Variants in RTN3 observed in about 807,000 individuals in gnomAD.
RTN3 encodes reticulon 3, also known as reticulon-3.
Under a neutral mutation model 77.8 loss-of-function variants are expected in RTN3, and 49 were observed. That is an observed-to-expected ratio of 0.63 (90% CI 0.50 to 0.80). The LOEUF (loss-of-function observed/expected upper bound fraction) is 0.80. Among genes scored for constraint, RTN3 ranks in the 30% least tolerant of loss-of-function variants. The probability of loss-of-function intolerance (pLI) is 0.00; values close to 1 mark genes in which losing one functional copy is unlikely to be tolerated. For synonymous variants in RTN3, 464 were observed against 446.9 expected (o/e 1.04, Z -0.48); for missense variants, 1,236 against 1,211.9 (o/e 1.02, Z -0.29).
At chr11:63,696,142 C>G (rs900784988) in intron 1 of RTN3, among the ~76,000 whole-genome samples, 2 of 149,888 alleles carry the variant, frequency 1.3e-5, no homozygotes, top group African/African-American at 4.9e-5. Flanking sequence ...GAGGCCGGGC[C>G]TGGTGGCTCA....
At chr11:63,734,372 A>G (rs2012920068) in intron 3 of RTN3, among the ~76,000 whole-genome samples, 1 of 151,144 alleles carries the variant, frequency 6.6e-6, no homozygotes, top group African/African-American at 2.4e-5. Context: ...CCTTGAACTC[A>G]ACAGGCAAAG....
At chr11:63,741,897 C>T (rs551716889) in intron 3 of RTN3, among the ~76,000 whole-genome samples, 1 of 152,102 alleles carries the variant, frequency 6.6e-6, no homozygotes, top group South Asian at 2.1e-4. Flanking sequence ...AGTACTATAG[C>T]ATCTTGATAA....
chr11:63,715,346 A>G (rs2011329280), intron 2 of RTN3, among the ~76,000 whole-genome samples: 1 of 152,102 alleles, frequency 6.6e-6, no homozygotes, highest in Admixed American at 6.6e-5. Flanking sequence ...AATCATCTGA[A>G]ATCTCCATCT....
At chr11:63,757,018 C>G (rs2014410964) in intron 8 of RTN3, among the ~76,000 whole-genome samples, 1 of 152,188 alleles carries the variant, frequency 6.6e-6, no homozygotes, top group Non-Finnish European at 1.5e-5. Flanking sequence ...GCACTCCAGC[C>G]TGGGTGACAG....
intron 1 of RTN3, among the ~76,000 whole-genome samples, chr11:63,703,668 G>A (rs905091721): frequency 7.4e-5 from 11 of 149,456 alleles, no homozygotes; most frequent in African/African-American, 2.2e-4. Flanking sequence ...TCAGCCTCCC[G>A]AGTAGCTGGG....
intron 3 of RTN3, among the ~76,000 whole-genome samples, chr11:63,738,669 T>A (rs966240155): frequency 6.6e-6 from 1 of 151,356 alleles, no homozygotes; most frequent in Non-Finnish European, 1.5e-5. Context: ...GCTGACAGAC[T>A]ACTAAACCTT....
chr11:63,690,681 G>A (rs58198493), intron 1 of RTN3, among the ~76,000 whole-genome samples: 5,365 of 152,252 alleles, frequency 0.035, 318 homozygotes, highest in African/African-American at 0.12. Flanking sequence ...CTTAAGCCAG[G>A]TGCCTTTTTA....
At chr11:63,738,649 A>G (rs1364806278) in intron 3 of RTN3, among the ~76,000 whole-genome samples, 1 of 151,028 alleles carries the variant, frequency 6.6e-6, no homozygotes, top group Non-Finnish European at 1.5e-5. Flanking sequence ...AAAAAAAAAA[A>G]GAAGGTAAAG....
At position 63,719,024 on chromosome 11, in the gene RTN3, T is replaced by C. The variant is rs752445489; in HGVS notation, c.522T>C (p.Gly174=). The change falls in exon 3 of 9, where the codon GGT becomes GGC. Residue 174 remains glycine (G), a synonymous_variant. Transcript: ENST00000377819. The part of the protein sequence containing the change: ...EHPAFLSKKI[G]QVEEQIDKET... The stretch of plus-strand genomic sequence containing the variant: ...CTGCTTTTCTCTCAAAGAAAATTGG[T>C]CAAGTGGAAGAGCAAATAGATAAAG... 6.2e-7 allele frequency: 1 copy of C among 1,614,060 alleles called. No homozygotes were observed. The highest frequency in any genetic ancestry group is 8.5e-7 in the Non-Finnish European group (1 of 1,180,020).
chr11:63,719,330 T>A lies in RTN3; in HGVS notation c.828T>A (p.Ser276=). 1 of 1,614,220 alleles carries A rather than the reference T, an allele frequency of 6.2e-7. No individual in the cohort carries two copies. Among genetic ancestry groups the A allele is most frequent in the South Asian group, 1.1e-5 (1 of 91,080 alleles). ...GCACAGATGATTTTGGTAGCTGGTCTGTGCACACTGATAAAGAATCATCCG... is the reference window on the plus strand; with the variant it reads ...GCACAGATGATTTTGGTAGCTGGTCAGTGCACACTGATAAAGAATCATCCG... ...KESTDDFGSW[S]VHTDKESSED... is the part of the protein sequence containing the mutation. The change falls in exon 3 of 9, where the codon TCT becomes TCA. Residue 276 remains serine (S), a synonymous_variant. Transcript: ENST00000377819.
intron 3 of RTN3, among the ~76,000 whole-genome samples, chr11:63,727,541 G>T (rs1479353384): frequency 6.6e-6 from 1 of 152,190 alleles, no homozygotes; most frequent in Non-Finnish European, 1.5e-5. Flanking sequence ...AATTCAGCAG[G>T]TGACCTTAAC....
intron 3 of RTN3, among the ~76,000 whole-genome samples, chr11:63,732,870 A>G (rs2012793788): frequency 6.6e-6 from 1 of 152,218 alleles, no homozygotes; most frequent in Non-Finnish European, 1.5e-5. Flanking sequence ...CATGGCAAAT[A>G]CAATTATAGA....
At chr11:63,715,322 A>T (rs1409054856) in intron 2 of RTN3, among the ~76,000 whole-genome samples, 1 of 152,178 alleles carries the variant, frequency 6.6e-6, no homozygotes, top group East Asian at 1.9e-4. Context: ...TTCATCTGTA[A>T]GATGACAGAT....
At chr11:63,740,753 G>A (rs762016889) in intron 3 of RTN3, among the ~76,000 whole-genome samples, 5 of 152,012 alleles carry the variant, frequency 3.3e-5, no homozygotes, top group Non-Finnish European at 5.9e-5. Context: ...TGGCAACAAA[G>A]AGGAAAGGAA....
In RTN3 at chr11:63,759,728, T is replaced by C. The variant is rs1268890969; in HGVS notation, c.*1527T>C. 6.6e-6 allele frequency: 1 copy of C among 152,540 alleles called. No individual in the cohort carries two copies. The highest frequency in any genetic ancestry group is 1.9e-4 in the East Asian group (1 of 5,198). The allele number at this position is 152,540 out of a possible 1,614,324, so 9.4% of individuals were successfully genotyped here. ...CTTTGTGCCACACAGGATTTTTTTT[T>C]TTTTTTAAGAAAAACCTATAGATGA... On this transcript the variant is annotated 3_prime_UTR_variant, in exon 9 of 9. Transcript: ENST00000377819.
chr11:63,740,885 A>G (rs1159026618), intron 3 of RTN3, among the ~76,000 whole-genome samples: 1 of 152,194 alleles, frequency 6.6e-6, no homozygotes, highest in Non-Finnish European at 1.5e-5. Context: ...TCTAATCAAT[A>G]GTATTCTGAG....
chr11:63,694,878 A>G (rs1334913088), intron 1 of RTN3, among the ~76,000 whole-genome samples: 1 of 152,222 alleles, frequency 6.6e-6, no homozygotes, highest in Non-Finnish European at 1.5e-5. Flanking sequence ...ACTCTAATAA[A>G]TGGTGCAAAG....
chr11:63,757,722 CTT>C (rs71039672), intron 8 of RTN3, among the ~76,000 whole-genome samples: 193 of 106,284 alleles, frequency 1.8e-3, no homozygotes, highest in African/African-American at 2.0e-3. Context: ...TTCTTTTTTT[CTT>C]TTTTTTTTTT....
chr11:63,747,412 A>G (rs2013862087), intron 3 of RTN3, among the ~76,000 whole-genome samples: 1 of 152,216 alleles, frequency 6.6e-6, no homozygotes, highest in Non-Finnish European at 1.5e-5. Flanking sequence ...TAGTTCATCA[A>G]GTGAGCCTGA....
Sources: gnomAD v4.1 joint callset for allele counts (sites outside exome capture counted in the v4.1 genomes callset) on GRCh38, gnomAD v4.1.1 for gene constraint, MANE v1.5 for transcripts, NCBI Gene and HGNC (gene_info 2026-07-23, HGNC 2026-07-21) for gene names.